NLGN1: variants seen among roughly 807,000 people sequenced by gnomAD.
The protein encoded by NLGN1 is neuroligin-1.
A neutral mutation model predicts 65.5 loss-of-function variants in NLGN1; 12 were observed. The observed-to-expected ratio is 0.18, with a 90% confidence interval of 0.12 to 0.30. The LOEUF (loss-of-function observed/expected upper bound fraction) is 0.30. Among genes scored for constraint, NLGN1 ranks in the 10% least tolerant of loss-of-function variants. The probability of loss-of-function intolerance (pLI) is 1.00; values close to 1 mark genes in which losing one functional copy is unlikely to be tolerated. For synonymous variants in NLGN1, 350 were observed against 359.5 expected, an observed-to-expected ratio of 0.97 and a Z score of 0.30; for missense variants, 750 against 1,007.1, an observed-to-expected ratio of 0.74 and a Z score of 3.46.
rs577535407 is a variant in NLGN1 at position 173,640,381 on chromosome 3, CATTA to C, written c.493+35294_493+35297del. Among the ~76,000 whole-genome samples, 152 of 152,134 alleles carry C rather than the reference CATTA, an allele frequency of 1.0e-3. 1 individual carries two copies. The highest frequency in any genetic ancestry group is 6.8e-3 in the Middle Eastern group (2 of 294). ...ATTCTTTATATTCTTCACCTAAGTT[CATTA>C]ATTGTTAGTATTTTTATACATATCA... On this transcript the variant is annotated intron_variant, in intron 3 of 6. Coordinates refer to ENST00000457714, the Ensembl canonical transcript of NLGN1.
At chr3:173,486,343 T>C (rs1728177369) in intron 2 of NLGN1, among the ~76,000 whole-genome samples, 1 of 152,182 alleles carries the variant, frequency 6.6e-6, no homozygotes, top group Admixed American at 6.5e-5. Flanking sequence ...ATTACAGGAT[T>C]GAGCCACTGC....
intron 4 of NLGN1, among the ~76,000 whole-genome samples, chr3:173,907,788 T>G (rs1471454952): frequency 6.6e-6 from 1 of 151,942 alleles, no homozygotes; most frequent in African/African-American, 2.4e-5. Flanking sequence ...TTTCACCATG[T>G]TGGCCAGGCT....
chr3:174,235,642 A>G (rs1176435858), intron 4 of NLGN1, among the ~76,000 whole-genome samples: 1 of 152,132 alleles, frequency 6.6e-6, no homozygotes, highest in African/African-American at 2.4e-5. Flanking sequence ...ATATTATTTT[A>G]TCTATTTATG....
intron 2 of NLGN1, among the ~76,000 whole-genome samples, chr3:173,565,712 C>T (rs866436648): frequency 1.3e-5 from 2 of 152,100 alleles, no homozygotes; most frequent in Non-Finnish European, 2.9e-5. Flanking sequence ...TGTATTACCA[C>T]ATAAAGGTAA....
chr3:174,056,627 CA>C (rs1404703542), intron 4 of NLGN1, among the ~76,000 whole-genome samples: 1 of 151,930 alleles, frequency 6.6e-6, no homozygotes, highest in Non-Finnish European at 1.5e-5. Flanking sequence ...TTTTTATAGT[CA>C]CTCCTCAAAG....
intron 4 of NLGN1, among the ~76,000 whole-genome samples, chr3:173,908,478 A>G (rs1226728278): frequency 6.6e-6 from 1 of 152,144 alleles, no homozygotes; most frequent in African/African-American, 2.4e-5. Flanking sequence ...GCTGCATGAG[A>G]GAAGCTCAGA....
chr3:173,887,755 G>C (rs1173039562), intron 4 of NLGN1, among the ~76,000 whole-genome samples: 2 of 151,678 alleles, frequency 1.3e-5, no homozygotes, highest in Non-Finnish European at 2.9e-5. Flanking sequence ...AAAATAACCA[G>C]CTCTAAAAGG....
intron 4 of NLGN1, among the ~76,000 whole-genome samples, chr3:174,238,773 G>A (rs914556592): frequency 1.6e-4 from 25 of 152,168 alleles, no homozygotes; most frequent in African/African-American, 6.0e-4. Flanking sequence ...ATGCAAAATA[G>A]TATGTCTATA....
rs544304178 is a variant in NLGN1, at chr3:173,578,920, AT to A, written c.-320-25354del. Among the ~76,000 whole-genome samples the A allele has an allele frequency of 1.2e-3, 183 of 152,342 alleles. 1 individual carries two copies. The highest frequency in any genetic ancestry group is 6.8e-3 in the Middle Eastern group (2 of 294). On this transcript the variant is annotated intron_variant, in intron 2 of 6. Coordinates refer to ENST00000457714, the Ensembl canonical transcript of NLGN1. ...AACATTTGAAATTGGAAATTTCTAT[AT>A]TTTTCAATTTTACCAATTAAATAAA...
At chr3:173,460,517 A>G (rs967173870) in intron 2 of NLGN1, among the ~76,000 whole-genome samples, 1 of 152,142 alleles carries the variant, frequency 6.6e-6, no homozygotes, top group Non-Finnish European at 1.5e-5. Flanking sequence ...TCATCTAAGT[A>G]CTGTCACAGA....
chr3:173,408,478 C>A (rs555808705), intron 1 of NLGN1, among the ~76,000 whole-genome samples: 2 of 152,342 alleles, frequency 1.3e-5, no homozygotes, highest in South Asian at 4.1e-4. Context: ...CTTGAAGTCA[C>A]TCTCCATAAA....
rs144673652 is a variant in NLGN1 at position 174,042,326 on chromosome 3, C to A, written c.647-232989C>A. Among the ~76,000 whole-genome samples, 238 of 152,166 alleles carry A rather than the reference C, an allele frequency of 1.6e-3. 1 individual carries two copies. The highest frequency in any genetic ancestry group is 5.2e-3 in the African/African-American group (217 of 41,520). On this transcript the variant is annotated intron_variant, in intron 4 of 6. Coordinates refer to ENST00000457714, the Ensembl canonical transcript of NLGN1. The stretch of plus-strand genomic sequence containing the variant: ...CATACAGGTATCCCCCTGCATTTTT[C>A]TGTAAAATATTTAGCGTTTCATATT...
intron 3 of NLGN1, among the ~76,000 whole-genome samples, chr3:173,681,484 C>G (rs1469336350): frequency 6.6e-6 from 1 of 152,122 alleles, no homozygotes; most frequent in Non-Finnish European, 1.5e-5. Flanking sequence ...TCCTCTGGAG[C>G]CTACATGATG....
At chr3:173,669,283 G>C (rs1036100211) in intron 3 of NLGN1, among the ~76,000 whole-genome samples, 63 of 152,136 alleles carry the variant, frequency 4.1e-4, no homozygotes, top group African/African-American at 1.4e-3. Context: ...GTTTCCCAGG[G>C]CTATTGTAAC....
chr3:174,158,838 G>C (rs1047484070), intron 4 of NLGN1, among the ~76,000 whole-genome samples: 16 of 150,102 alleles, frequency 1.1e-4, no homozygotes, highest in African/African-American at 2.0e-4. Flanking sequence ...CCTGGCTCCT[G>C]AACTCCACCT....
rs1735721882 is a variant in NLGN1, at chr3:173,526,832, T to G, written c.-320-77447T>G. On this transcript the variant is annotated intron_variant, in intron 2 of 6. Transcript: ENST00000457714. ...TTAATTTTTAGCTCTCACAAATAAG[T>G]GAGAACATGCAAAGTTTGTTTTTCT... is the stretch of plus-strand genomic sequence containing the variant. Among the ~76,000 whole-genome samples the G allele has an allele frequency of 4.6e-5, 7 of 152,250 alleles. No homozygotes were observed. The South Asian group carries it at 1.4e-3, about 31-fold the overall frequency.
intron 4 of NLGN1, among the ~76,000 whole-genome samples, chr3:174,200,779 T>C (rs1734304419): frequency 6.6e-6 from 1 of 152,220 alleles, no homozygotes; most frequent in Non-Finnish European, 1.5e-5. Flanking sequence ...TTTATCTTAC[T>C]TGACCCTAAA....
At chr3:173,454,884 T>C (rs976592686) in intron 2 of NLGN1, among the ~76,000 whole-genome samples, 10 of 152,186 alleles carry the variant, frequency 6.6e-5, no homozygotes, top group African/African-American at 1.7e-4. Flanking sequence ...AAATGAGAGA[T>C]GTGTGACTCT....
chr3:174,124,608 C>A (rs985573094), intron 4 of NLGN1, among the ~76,000 whole-genome samples: 1 of 143,108 alleles, frequency 7.0e-6, no homozygotes, highest in Non-Finnish European at 1.5e-5. Context: ...TACATATATA[C>A]GTATATATAC....
Sources: gnomAD v4.1 joint callset for allele counts (sites outside exome capture counted in the v4.1 genomes callset) on GRCh38, gnomAD v4.1.1 for gene constraint, MANE v1.5 for transcripts, NCBI Gene and HGNC (gene_info 2026-07-23, HGNC 2026-07-21) for gene names.